TRAIP: variants seen among roughly 807,000 people sequenced by gnomAD.
TRAIP encodes the protein TRAF interacting protein.
TRAIP carries 37 observed loss-of-function variants against 65.0 expected under a neutral mutation model. The observed-to-expected ratio is 0.57, with a 90% CI of 0.44 to 0.75. The LOEUF is 0.75. Among genes scored for constraint, TRAIP ranks in the 30% least tolerant of loss-of-function variants. The pLI, the probability that TRAIP is intolerant of heterozygous loss-of-function variation, is 0.00. For missense variants in TRAIP, 481 were observed against 579.4 expected (o/e 0.83, Z 1.74); for synonymous variants, 187 against 219.1 (o/e 0.85, Z 1.29).
At position 49,856,499 on chromosome 3, in the gene TRAIP, G is replaced by T. The variant is rs769525626; in HGVS notation, c.-46C>A. 41 of 1,559,740 alleles carry T rather than the reference G, an allele frequency of 2.6e-5. 1 individual carries two copies. The South Asian group carries it at 4.7e-4, about 18-fold the overall frequency. On this transcript the variant is annotated 5_prime_UTR_variant, in exon 1 of 15. The change creates a new upstream start codon in the 5' untranslated region. Transcript: ENST00000331456. The stretch of plus-strand genomic sequence containing the variant: ...CCAGGCAGCCAAAGAAACTGCTACA[G>T]GTCCGGCTTCGTAGACGCGCCCCCG...
intron 1 of TRAIP, among the ~76,000 whole-genome samples, chr3:49,850,752 T>C (rs2081923628): frequency 6.9e-6 from 1 of 145,712 alleles, no homozygotes; most frequent in Non-Finnish European, 1.5e-5. Context: ...CCTCCCAGGT[T>C]CAAGCAATTC....
intron 1 of TRAIP, 91 bp from the exon 2 acceptor site, chr3:49,848,291 TCTG>T: frequency 1.4e-6 from 2 of 1,400,334 alleles, no homozygotes; most frequent in Non-Finnish European, 2.0e-6. Flanking sequence ...AAGGGTCTGT[TCTG>T]CTCCTCCTTG....
At chr3:49,832,193 C>T in intron 10 of TRAIP, 125 bp from the exon 11 acceptor site, 1 of 1,148,672 alleles carries the variant, frequency 8.7e-7, no homozygotes, top group Non-Finnish European at 1.2e-6. Context: ...GGCCACCCCT[C>T]AAGAGAGCCC....
At chr3:49,830,180 G>A in intron 11 of TRAIP, 112 bp from the exon 12 acceptor site, 1 of 1,230,930 alleles carries the variant, frequency 8.1e-7, no homozygotes. Flanking sequence ...CTGCTGCCAT[G>A]CCTGCATTCT....
chr3:49,856,341 A>C lies in TRAIP; in HGVS notation c.98+15T>G. On this transcript the variant is annotated intron_variant, in intron 1 of 14. Coordinates refer to ENST00000331456, the MANE Select transcript of TRAIP (RefSeq NM_005879.3). ...ACCCGGGCAAACACCGGGCCCCAAC[A>C]CTGCAGTCACTCACCACTGCAAGTG... 1 of 1,608,948 alleles carries C rather than the reference A, an allele frequency of 6.2e-7. No individual in the cohort carries two copies. The highest frequency in any genetic ancestry group is 8.5e-7 in the Non-Finnish European group (1 of 1,175,472).
At chr3:49,849,608 G>A (rs1434716546) in intron 1 of TRAIP, among the ~76,000 whole-genome samples, 3 of 151,896 alleles carry the variant, frequency 2.0e-5, no homozygotes, top group Non-Finnish European at 2.9e-5. Context: ...CTGGGCGACA[G>A]AGCGAGACTC....
intron 11 of TRAIP, 26 bp downstream of exon 11, chr3:49,831,890 G>C (rs777579521): frequency 1.3e-6 from 2 of 1,525,718 alleles, no homozygotes; most frequent in Non-Finnish European, 1.8e-6. Context: ...ACCAGCCCAT[G>C]GACAGTGCCA....
In TRAIP at chr3:49,855,610, G is replaced by A. The variant is rs377093211; in HGVS notation, c.98+746C>T. Among the ~76,000 whole-genome samples the A allele has an allele frequency of 1.5e-4, 23 of 152,312 alleles. No homozygotes were observed. In the East Asian group the frequency reaches 3.1e-3, roughly 20 times the overall value. ...GGGGCTCAGGCTGTCAGCAACACAG[G>A]CCTAAACAAAGCTTTGCAAGTAAGC... On this transcript the variant is annotated intron_variant, in intron 1 of 14. Coordinates refer to ENST00000331456, the MANE Select transcript of TRAIP (RefSeq NM_005879.3).
intron 1 of TRAIP, among the ~76,000 whole-genome samples, chr3:49,854,366 T>C (rs2081955231): frequency 6.6e-6 from 1 of 152,080 alleles, no homozygotes; most frequent in Non-Finnish European, 1.5e-5. Flanking sequence ...ATACACACAA[T>C]TAAAATATTC....
Position 49,828,943 on chromosome 3 carries a change from G to A in TRAIP, c.*160C>T. On this transcript the variant is annotated 3_prime_UTR_variant, in exon 15 of 15. Transcript: ENST00000331456. Reference sequence around the variant, plus strand: ...GAGTGGGGCAGGGTGAGGGCAGGAAGAGCAGTCTCTGGGTGCCACACTCAC... The same window carrying A: ...GAGTGGGGCAGGGTGAGGGCAGGAAAAGCAGTCTCTGGGTGCCACACTCAC... The A allele has an allele frequency of 3.1e-6, 3 of 952,388 alleles. No homozygotes were observed. Among genetic ancestry groups the A allele is most frequent in the Non-Finnish European group, 4.9e-6 (3 of 618,038 alleles). The allele number at this position is 952,388 out of a possible 1,614,324, so 59.0% of individuals were successfully genotyped here.
At chr3:49,839,342 A>T (rs1033951285) in intron 10 of TRAIP, among the ~76,000 whole-genome samples, 2 of 152,126 alleles carry the variant, frequency 1.3e-5, no homozygotes, top group Admixed American at 6.5e-5. Context: ...AGGAGCAGAA[A>T]TGGATGCCCA....
chr3:49,842,003 C>T (rs1000339542), intron 6 of TRAIP, 64 bp from the exon 7 acceptor site: 12 of 1,316,964 alleles, frequency 9.1e-6, no homozygotes, highest in African/African-American at 4.4e-5. Context: ...TACCCAGTGC[C>T]GCTCTGCCTT....
chr3:49,856,207 GGTTGGGAAGCTCCC>G, intron 1 of TRAIP, 135 bp downstream of exon 1: 1 of 670,078 alleles, frequency 1.5e-6, no homozygotes, highest in Non-Finnish European at 2.6e-6. Flanking sequence ...CTTCTGCCCA[GGTTGGGAAGCTCCC>G]GTGGGGCCTC....
At chr3:49,844,294 A>G (rs113949103) in intron 4 of TRAIP, among the ~76,000 whole-genome samples, 1 of 151,930 alleles carries the variant, frequency 6.6e-6, no homozygotes. Flanking sequence ...ACCCCCTCCC[A>G]TCTTGGTTCC....
At chr3:49,840,213 A>T in intron 9 of TRAIP, 71 bp downstream of exon 9, 1 of 1,369,744 alleles carries the variant, frequency 7.3e-7, no homozygotes, top group Non-Finnish European at 1.0e-6. Context: ...CTGGGCAGAG[A>T]TAGCCCAGCC....
intron 3 of TRAIP, 113 bp downstream of exon 3, chr3:49,847,405 GAAAAGAA>G: frequency 1.4e-6 from 1 of 730,512 alleles, no homozygotes; most frequent in South Asian, 1.8e-5. Flanking sequence ...GAAAAGAAAA[GAAAAGAA>G]AAGAGAAAAG....
At chr3:49,843,955 A>G (rs765944804) in intron 4 of TRAIP, 27 bp from the exon 5 acceptor site, 2 of 1,591,228 alleles carry the variant, frequency 1.3e-6, no homozygotes, top group Non-Finnish European at 8.6e-7. Context: ...GGGCGGAGGA[A>G]AGGGAAAGGC....
At chr3:49,831,800 G>T in intron 11 of TRAIP, 116 bp downstream of exon 11, 2 of 1,256,192 alleles carry the variant, frequency 1.6e-6, no homozygotes, top group Admixed American at 3.0e-5. Flanking sequence ...CCATGGCCAA[G>T]CCTAGGCAAC....
intron 3 of TRAIP, 115 bp from the exon 4 acceptor site, chr3:49,844,695 G>A: frequency 2.6e-6 from 3 of 1,138,064 alleles, no homozygotes; most frequent in Non-Finnish European, 3.9e-6. Context: ...TCTAGGGCAT[G>A]AATCCTGCAG....
Sources: allele counts gnomAD v4.1 joint callset (sites outside exome capture counted in the v4.1 genomes callset), GRCh38; gene constraint gnomAD v4.1.1; transcripts MANE v1.5; gene names NCBI Gene and HGNC (gene_info 2026-07-23, HGNC 2026-07-21).